Variants in URB2 observed in about 807,000 individuals in gnomAD.
The protein encoded by URB2 is URB2 ribosome biogenesis homolog.
URB2 carries 86 observed loss-of-function variants against 120.9 expected under a neutral mutation model. That is an observed-to-expected ratio of 0.71 (90% CI 0.60 to 0.85). The LOEUF (loss-of-function observed/expected upper bound fraction) is 0.85, where lower values mean the gene tolerates loss of function less well. Ranked by LOEUF, URB2 falls within the 40% of genes least tolerant of loss-of-function variation. The probability of loss-of-function intolerance (pLI) is 0.00; values close to 1 mark genes in which losing one functional copy is unlikely to be tolerated. For synonymous variants in URB2, 755 were observed against 758.4 expected, an observed-to-expected ratio of 1.00 and a Z score of 0.07; for missense variants, 1,765 against 1,836.5, an observed-to-expected ratio of 0.96 and a Z score of 0.71.
In URB2 at chr1:229,636,209, TGCCGACATG is replaced by T. The variant is rs1665809244; in HGVS notation, c.1600_1608del (p.Asp534_Ala536del). ...TAGTCTTGCCCTATTTGCAGAGTGA[TGCCGACATG>T]GCCCTGAAATCACTGTCACTGAGCT... On this transcript the variant is annotated inframe_deletion, in exon 4 of 10. Transcript: ENST00000258243. 1 of 1,613,236 alleles carries T rather than the reference TGCCGACATG, an allele frequency of 6.2e-7. No homozygotes were observed. The highest frequency in any genetic ancestry group is 8.5e-7 in the Non-Finnish European group (1 of 1,179,332).
At chr1:229,632,155 C>T in intron 2 of URB2, 114 bp from the exon 3 acceptor site, 1 of 837,796 alleles carries the variant, frequency 1.2e-6, no homozygotes. Flanking sequence ...GAGGTTCTCC[C>T]CCGCCGCCCC....
At position 229,634,983 on chromosome 1, in the gene URB2, C is replaced by T. The variant is rs756117158; in HGVS notation, c.370C>T (p.Arg124Ter). 3.3e-5 allele frequency: 52 copies of T among 1,597,776 alleles called. No homozygotes were observed. Among genetic ancestry groups the T allele is most frequent in the East Asian group, 2.9e-4 (13 of 44,604 alleles). The part of the protein sequence containing the change: ...GSQRNICAVL[R>*]CCQGILSTPA... ...CCAAAGAAACATCTGTGCTGTCCTT[C>T]GATGTTGCCAGGGCATCCTGTCGAC... The change falls in exon 4 of 10, where the codon CGA becomes TGA. Residue 124 changes from arginine (R) to a stop codon, truncating the protein, a stop_gained. Coordinates refer to ENST00000258243, the MANE Select transcript of URB2 (RefSeq NM_014777.4). LOFTEE classifies it high-confidence loss of function.
intron 9 of URB2, among the ~76,000 whole-genome samples, chr1:229,655,958 C>T (rs1231720033): frequency 6.6e-6 from 1 of 152,206 alleles, no homozygotes; most frequent in Non-Finnish European, 1.5e-5. Context: ...ACCCCGCTGG[C>T]CTTGCTCACC....
At chr1:229,641,858 C>CA (rs760180357) in intron 4 of URB2, among the ~76,000 whole-genome samples, 3 of 151,974 alleles carry the variant, frequency 2.0e-5, no homozygotes, top group Non-Finnish European at 4.4e-5. Flanking sequence ...CCCATCTCTA[C>CA]AAAAAGCCGG....
intron 2 of URB2, among the ~76,000 whole-genome samples, chr1:229,630,037 A>G (rs995044894): frequency 6.6e-6 from 1 of 152,204 alleles, no homozygotes; most frequent in African/African-American, 2.4e-5. Context: ...TATTTCCATT[A>G]TATATGCAGT....
intron 7 of URB2, chr1:229,651,032 G>T: frequency 2.9e-6 from 1 of 339,718 alleles, no homozygotes; most frequent in East Asian, 5.4e-5. Flanking sequence ...GTTAAAACAA[G>T]GGTCAAAGAG....
chr1:229,628,426 A>G (rs929399081), intron 2 of URB2, among the ~76,000 whole-genome samples: 1 of 151,824 alleles, frequency 6.6e-6, no homozygotes, highest in Non-Finnish European at 1.5e-5. Flanking sequence ...TTGTCTCTTT[A>G]AAATAAATGA....
intron 7 of URB2, 48 bp from the exon 8 acceptor site, chr1:229,651,187 T>G (rs1466710617): frequency 5.3e-6 from 8 of 1,521,270 alleles, no homozygotes; most frequent in Non-Finnish European, 4.4e-6. Context: ...GTAGAAAAAC[T>G]TAAATAATCA....
chr1:229,626,612 T>C (rs1487672241), intron 1 of URB2, among the ~76,000 whole-genome samples: 2 of 152,254 alleles, frequency 1.3e-5, no homozygotes, highest in Admixed American at 6.5e-5. Context: ...CTCTTTCTGC[T>C]GGGCAGGGAG....
chr1:229,645,771 G>C (rs1666129266), intron 5 of URB2, 88 bp from the exon 6 acceptor site: 3 of 1,148,498 alleles, frequency 2.6e-6, no homozygotes, highest in Non-Finnish European at 3.9e-6. Context: ...CAACGCCACA[G>C]CCCCAGAGAG....
In URB2 at chr1:229,636,801, G is replaced by C. The variant is rs148570104; in HGVS notation, c.2188G>C (p.Val730Leu). The C allele has an allele frequency of 1.2e-6, 2 of 1,612,570 alleles. No homozygotes were observed. Among genetic ancestry groups the C allele is most frequent in the Admixed American group, 3.3e-5 (2 of 59,954 alleles). Reference protein sequence around the residue: ...TASWDGQVGMVSGLTYPVAHW... With the variant: ...TASWDGQVGMLSGLTYPVAHW... ...TTCCTGGGATGGCCAAGTTGGGATG[G>C]TGAGTGGACTCACATACCCTGTAGC... The change falls in exon 4 of 10, where the codon GTG becomes CTG. Residue 730 changes from valine (V) to leucine (L), a missense_variant. Physicochemically the swap from Val to Leu is conservative, Grantham distance 32. Transcript: ENST00000258243.
At chr1:229,626,895 G>A (rs1665500293) in intron 1 of URB2, among the ~76,000 whole-genome samples, 1 of 152,246 alleles carries the variant, frequency 6.6e-6, no homozygotes, top group South Asian at 2.1e-4. Flanking sequence ...CTGCAGTAGA[G>A]TGAAGGATAA....
chr1:229,650,683 G>A (rs796771234), intron 7 of URB2, among the ~76,000 whole-genome samples: 4 of 152,180 alleles, frequency 2.6e-5, no homozygotes, highest in East Asian at 3.9e-4. Context: ...CGCCTGCCTC[G>A]GCCTCCCAAA....
intron 5 of URB2, 40 bp from the exon 6 acceptor site, chr1:229,645,819 A>G (rs1232505664): frequency 1.3e-6 from 2 of 1,559,786 alleles, no homozygotes; most frequent in Non-Finnish European, 1.8e-6. Flanking sequence ...AAGGGAGAAC[A>G]CGCTATCTCT....
intron 6 of URB2, 136 bp from the exon 7 acceptor site, chr1:229,647,374 A>G: frequency 2.8e-6 from 3 of 1,073,412 alleles, no homozygotes; most frequent in South Asian, 1.6e-5. Context: ...AGCAAATAGT[A>G]TTTAACGGCC....
rs751944625 is a variant in URB2, at chr1:229,636,321, T to G, written c.1708T>G (p.Cys570Gly). ...TCTGCCCATTGTCAGACGGACACAGTGCATGATGGAGAGGATGATGAGGGA... is the reference window on the plus strand; with the variant it reads ...TCTGCCCATTGTCAGACGGACACAGGGCATGATGGAGAGGATGATGAGGGA... ...TPLPIVRRTQCMMERMMRELV... is the reference protein window; with the variant it reads ...TPLPIVRRTQGMMERMMRELV... Residue 570 changes from cysteine to glycine, a missense_variant, in exon 4 of 10, where the codon TGC becomes GGC. By Grantham distance (159) the Cys-to-Gly change is radical. Coordinates refer to ENST00000258243, the MANE Select transcript of URB2 (RefSeq NM_014777.4). The G allele has an allele frequency of 4.3e-6, 7 of 1,614,094 alleles. No homozygotes were observed. The Admixed American group carries it at 6.7e-5, about 15-fold the overall frequency.
Position 229,645,919 on chromosome 1 carries a change from A to G in URB2, c.3856A>G (p.Lys1286Glu). 1.2e-6 allele frequency: 2 copies of G among 1,614,190 alleles called. No homozygotes were observed. Among genetic ancestry groups the G allele is most frequent in the Non-Finnish European group, 1.7e-6 (2 of 1,180,040 alleles). ...LLLNCPLSGE[K>E]ASLLWRACPQ... ...ACTGAACTGCCCACTCAGTGGAGAGAAAGCAAGTCTGTTGTGGCGTGCGTG... is the reference window on the plus strand; with the variant it reads ...ACTGAACTGCCCACTCAGTGGAGAGGAAGCAAGTCTGTTGTGGCGTGCGTG... Residue 1286 changes from lysine to glutamate, a missense_variant, in exon 6 of 10, where the codon AAA becomes GAA. Physicochemically the swap from Lys to Glu is moderately conservative, Grantham distance 56. Transcript: ENST00000258243.
At chr1:229,652,834 T>C (rs1666312651) in intron 8 of URB2, among the ~76,000 whole-genome samples, 1 of 152,238 alleles carries the variant, frequency 6.6e-6, no homozygotes, top group Non-Finnish European at 1.5e-5. Context: ...TCCTTTGTCA[T>C]GTATTTGAGG....
At chr1:229,658,058 A>G (rs1367909828) in intron 9 of URB2, among the ~76,000 whole-genome samples, 1 of 152,162 alleles carries the variant, frequency 6.6e-6, no homozygotes, top group African/African-American at 2.4e-5. Flanking sequence ...TATAAGGTGA[A>G]TTTTACCAGC....
Sources: gnomAD v4.1 joint callset for allele counts (sites outside exome capture counted in the v4.1 genomes callset) on GRCh38, gnomAD v4.1.1 for gene constraint, MANE v1.5 for transcripts, NCBI Gene and HGNC (gene_info 2026-07-23, HGNC 2026-07-21) for gene names.